RAB7B: variants seen among roughly 807,000 people sequenced by gnomAD.
RAB7B encodes RAB7B, member RAS oncogene family, also known as ras-related protein Rab-7b.
intron 1 of RAB7B, among the ~76,000 whole-genome samples, chr1:205,998,203 A>G (rs1660838186): frequency 6.6e-6 from 1 of 152,158 alleles, no homozygotes; most frequent in South Asian, 2.1e-4. Flanking sequence ...AAAATACAAA[A>G]AAATGAGCCA....
chr1:205,988,549 T>C (rs988834632), intron 4 of RAB7B, among the ~76,000 whole-genome samples: 2 of 152,246 alleles, frequency 1.3e-5, no homozygotes, highest in Non-Finnish European at 1.5e-5. Context: ...TACATTTTTA[T>C]ATACTCATTT....
intron 1 of RAB7B, among the ~76,000 whole-genome samples, chr1:205,999,620 A>G (rs1660859069): frequency 6.6e-6 from 1 of 152,212 alleles, no homozygotes. Flanking sequence ...TCTGTCCTAC[A>G]GAAATACTCA....
intron 4 of RAB7B, among the ~76,000 whole-genome samples, chr1:205,990,953 A>G (rs1434352790): frequency 6.6e-6 from 1 of 151,876 alleles, no homozygotes; most frequent in Admixed American, 6.5e-5. Flanking sequence ...ACGTATTTTT[A>G]GTAGAGGCGG....
At chr1:205,980,864 C>T (rs1660480447) in intron 5 of RAB7B, among the ~76,000 whole-genome samples, 1 of 126,860 alleles carries the variant, frequency 7.9e-6, no homozygotes. Context: ...TCCTCCCCTT[C>T]CCCTCCCCCT....
intron 1 of RAB7B, 195 bp from the exon 2 acceptor site, chr1:205,994,346 C>A: frequency 2.8e-6 from 1 of 351,974 alleles, no homozygotes; most frequent in Non-Finnish European, 5.1e-6. Context: ...TGGGGGCCTC[C>A]CCAAAGCTGG....
intron 1 of RAB7B, among the ~76,000 whole-genome samples, chr1:205,995,496 T>G (rs1660797774): frequency 1.3e-5 from 2 of 152,158 alleles, no homozygotes. Flanking sequence ...TCAACCTAAG[T>G]GTCCATCAAT....
At chr1:205,991,006 C>T (rs1036102026) in intron 4 of RAB7B, among the ~76,000 whole-genome samples, 4 of 152,020 alleles carry the variant, frequency 2.6e-5, no homozygotes, top group Admixed American at 2.0e-4. Flanking sequence ...CTCCAGACCT[C>T]ATGATTCGCC....
chr1:205,998,011 C>G (rs2102643468), intron 1 of RAB7B, among the ~76,000 whole-genome samples: 1 of 152,290 alleles, frequency 6.6e-6, no homozygotes, highest in South Asian at 2.1e-4. Flanking sequence ...AATCACAACT[C>G]ACCCAAGCCT....
intron 4 of RAB7B, among the ~76,000 whole-genome samples, chr1:205,986,479 G>A (rs1660610350): frequency 6.6e-6 from 1 of 152,234 alleles, no homozygotes; most frequent in South Asian, 2.1e-4. Context: ...CATCTGAGCT[G>A]CCCTCTACAG....
At chr1:205,988,366 C>T (rs1343935855) in intron 4 of RAB7B, among the ~76,000 whole-genome samples, 1 of 151,332 alleles carries the variant, frequency 6.6e-6, no homozygotes, top group Non-Finnish European at 1.5e-5. Context: ...GTAGTTCAGA[C>T]TACAGGTGTG....
chr1:205,980,051 C>T (rs1365074381), intron 5 of RAB7B, among the ~76,000 whole-genome samples: 4 of 152,298 alleles, frequency 2.6e-5, no homozygotes, highest in African/African-American at 9.6e-5. Flanking sequence ...CCCCCAAATA[C>T]ATAAGAAGAT....
At chr1:205,995,046 C>T (rs965163716) in intron 1 of RAB7B, among the ~76,000 whole-genome samples, 2 of 151,934 alleles carry the variant, frequency 1.3e-5, no homozygotes, top group Admixed American at 1.3e-4. Flanking sequence ...ACTCATAGAT[C>T]GTAATTGAAC....
At chr1:206,000,328 A>G (rs981472630) in intron 1 of RAB7B, among the ~76,000 whole-genome samples, 6 of 152,246 alleles carry the variant, frequency 3.9e-5, no homozygotes, top group Non-Finnish European at 8.8e-5. Flanking sequence ...ATATCAAATA[A>G]TCACTTAACA....
chr1:205,995,514 T>C, intron 1 of RAB7B, among the ~76,000 whole-genome samples: 1 of 152,098 alleles, frequency 6.6e-6, no homozygotes, highest in Non-Finnish European at 1.5e-5. Context: ...AATGGATGAA[T>C]GGGTAAAGAA....
chr1:205,999,827 G>A (rs1352185002), intron 1 of RAB7B, among the ~76,000 whole-genome samples: 1 of 152,224 alleles, frequency 6.6e-6, no homozygotes, highest in Non-Finnish European at 1.5e-5. Context: ...GAGTGCAGTG[G>A]CATGATCATA....
At position 205,978,963 on chromosome 1, in the gene RAB7B, T is replaced by C. The variant is rs1363639355; in HGVS notation, c.523-35A>G. On this transcript the variant is annotated intron_variant, in intron 5 of 5. Coordinates refer to ENST00000617070, the MANE Select transcript of RAB7B (RefSeq NM_001164522.3). ...GAAAGAGAGGCCGGCATTCATGTCC[T>C]GAGATACAGAGTGCACCGCCCGCCC... The C allele has an allele frequency of 1.0e-5, 4 of 398,512 alleles. No homozygotes were observed. The East Asian group carries it at 1.4e-4, about 14-fold the overall frequency. The allele number at this position is 398,512 out of a possible 1,614,324, so 24.7% of individuals were successfully genotyped here. A position where few individuals can be genotyped will look rare whatever the true frequency, so the allele number is the denominator to read the frequency against.
At chr1:205,988,793 C>T (rs981900777) in intron 4 of RAB7B, among the ~76,000 whole-genome samples, 5 of 152,166 alleles carry the variant, frequency 3.3e-5, no homozygotes, top group African/African-American at 9.7e-5. Context: ...ATCTGCGGGA[C>T]GGGCTCCGAG....
chr1:205,999,962 C>A (rs1660866303), intron 1 of RAB7B, among the ~76,000 whole-genome samples: 1 of 152,092 alleles, frequency 6.6e-6, no homozygotes, highest in African/African-American at 2.4e-5. Context: ...TTTGTAGAGA[C>A]AGGATCATGC....
intron 4 of RAB7B, 140 bp from the exon 5 acceptor site, chr1:205,985,805 C>CCAGGCCCACCAGGCCCAACAAACCCAA: frequency 2.7e-6 from 1 of 376,612 alleles, no homozygotes; most frequent in Non-Finnish European, 4.6e-6. Context: ...ACCATCCCCA[C>CCAGGCCCACCAGGCCCAACAAACCCAA]CAGGCCCACC....
Sources: allele counts gnomAD v4.1 joint callset (sites outside exome capture counted in the v4.1 genomes callset), GRCh38; gene constraint gnomAD v4.1.1; transcripts MANE v1.5; gene names NCBI Gene and HGNC (gene_info 2026-07-23, HGNC 2026-07-21).